Variants in MAPK10 observed in about 807,000 individuals in gnomAD.
The protein encoded by MAPK10 is mitogen-activated protein kinase 10.
Under a neutral mutation model 59.3 loss-of-function variants are expected in MAPK10, and 25 were observed. That is an observed-to-expected ratio of 0.42 (90% CI 0.31 to 0.59). The LOEUF is 0.59. Ranked by LOEUF, MAPK10 falls within the 20% of genes least tolerant of loss-of-function variation. The pLI, the probability that MAPK10 is intolerant of heterozygous loss-of-function variation, is 0.15. For missense variants in MAPK10, 351 were observed against 568.9 expected, an observed-to-expected ratio of 0.62 and a Z score of 3.90; for synonymous variants, 190 against 200.5, an observed-to-expected ratio of 0.95 and a Z score of 0.44.
At chr4:86,208,640 A>G (rs1281562095) in intron 2 of MAPK10, among the ~76,000 whole-genome samples, 2 of 151,966 alleles carry the variant, frequency 1.3e-5, no homozygotes. Flanking sequence ...ATCATACTGA[A>G]TGGGCAAAAA....
At chr4:86,514,586 C>T (rs1456624183) in intron 1 of MAPK10, among the ~76,000 whole-genome samples, 1 of 152,096 alleles carries the variant, frequency 6.6e-6, no homozygotes, top group Non-Finnish European at 1.5e-5. Flanking sequence ...CTCAAGTTTA[C>T]AAGAAGTAAC....
intron 1 of MAPK10, among the ~76,000 whole-genome samples, chr4:86,534,055 C>T (rs560565280): frequency 6.6e-6 from 1 of 152,302 alleles, no homozygotes; most frequent in East Asian, 1.9e-4. Context: ...ATTTATTTCC[C>T]TTACAGCTCT....
At chr4:86,333,832 T>C (rs1282596620) in intron 2 of MAPK10, among the ~76,000 whole-genome samples, 2 of 152,198 alleles carry the variant, frequency 1.3e-5, no homozygotes, top group African/African-American at 4.8e-5. Context: ...ATCTAATATA[T>C]GTAAAAACAC....
chr4:86,262,977 T>G (rs755007860), intron 2 of MAPK10, among the ~76,000 whole-genome samples: 1 of 152,204 alleles, frequency 6.6e-6, no homozygotes, highest in Admixed American at 6.5e-5. Context: ...AGTTATTGGA[T>G]GGACAGTAGG....
chr4:86,492,184 A>G (rs930866668), intron 1 of MAPK10, among the ~76,000 whole-genome samples: 2 of 152,196 alleles, frequency 1.3e-5, no homozygotes, highest in African/African-American at 4.8e-5. Flanking sequence ...CTTCAGATTC[A>G]AGGTGCAATG....
chr4:86,206,092 T>C (rs1259226910), intron 2 of MAPK10, among the ~76,000 whole-genome samples: 2 of 151,950 alleles, frequency 1.3e-5, no homozygotes, highest in South Asian at 2.1e-4. Context: ...ATGTGCACAA[T>C]GTGCAGGTTA....
intron 2 of MAPK10, among the ~76,000 whole-genome samples, chr4:86,354,328 C>T (rs1054320646): frequency 6.6e-6 from 1 of 152,074 alleles, no homozygotes; most frequent in African/African-American, 2.4e-5. Flanking sequence ...CCATGCACCT[C>T]AAGACTTTTC....
intron 11 of MAPK10, among the ~76,000 whole-genome samples, chr4:86,059,732 G>A (rs543453976): frequency 2.6e-5 from 4 of 151,984 alleles, no homozygotes; most frequent in Non-Finnish European, 5.9e-5. Flanking sequence ...TTTTCTCTTA[G>A]TCTAGTGGAG....
At chr4:86,164,239 A>G (rs762863903) in intron 3 of MAPK10, among the ~76,000 whole-genome samples, 3 of 152,146 alleles carry the variant, frequency 2.0e-5, no homozygotes, top group Non-Finnish European at 4.4e-5. Context: ...TCCATAAAGG[A>G]TTTGTCTAGC....
intron 1 of MAPK10, among the ~76,000 whole-genome samples, chr4:86,356,073 G>A (rs1460922489): frequency 1.3e-5 from 2 of 151,038 alleles, no homozygotes; most frequent in African/African-American, 2.4e-5. Flanking sequence ...ACACACACAC[G>A]TGTACAAACA....
At chr4:86,485,207 G>T (rs1753895233) in intron 1 of MAPK10, among the ~76,000 whole-genome samples, 1 of 152,094 alleles carries the variant, frequency 6.6e-6, no homozygotes, top group South Asian at 2.1e-4. Flanking sequence ...CCAGCATGAA[G>T]ATCATCTTAC....
intron 1 of MAPK10, among the ~76,000 whole-genome samples, chr4:86,584,427 G>A (rs1249776869): frequency 2.0e-5 from 3 of 152,066 alleles, no homozygotes; most frequent in Admixed American, 2.0e-4. Context: ...GGAAATATTG[G>A]GAGTGGTAAG....
At chr4:86,286,778 GC>G (rs2148812555) in intron 2 of MAPK10, among the ~76,000 whole-genome samples, 1 of 152,268 alleles carries the variant, frequency 6.6e-6, no homozygotes, top group African/African-American at 2.4e-5. Context: ...CATCTCTGGA[GC>G]TTGAACACAT....
At chr4:86,087,359 C>T (rs1044812813) in intron 9 of MAPK10, among the ~76,000 whole-genome samples, 6 of 152,042 alleles carry the variant, frequency 3.9e-5, no homozygotes, top group African/African-American at 1.4e-4. Context: ...CTAAAATCAG[C>T]CAAAACTTAA....
intron 4 of MAPK10, among the ~76,000 whole-genome samples, chr4:86,155,463 G>A (rs74670438): frequency 0.072 from 10,832 of 151,484 alleles, 951 homozygotes; most frequent in African/African-American, 0.21. Flanking sequence ...TATAATAATC[G>A]TATATTGGTA....
chr4:86,159,133 A>C, intron 4 of MAPK10, 165 bp downstream of exon 4: 1 of 483,452 alleles, frequency 2.1e-6, no homozygotes, highest in Non-Finnish European at 3.4e-6. Flanking sequence ...TGGATAACAA[A>C]TTAAACATAA....
chr4:86,294,504 C>T (rs1261205941), intron 2 of MAPK10, among the ~76,000 whole-genome samples: 1 of 151,380 alleles, frequency 6.6e-6, no homozygotes, highest in Non-Finnish European at 1.5e-5. Flanking sequence ...GATTAACAGC[C>T]CAGAGAATTG....
chr4:86,385,067 G>A (rs768109243), intron 1 of MAPK10, among the ~76,000 whole-genome samples: 7 of 151,962 alleles, frequency 4.6e-5, no homozygotes, highest in Admixed American at 1.3e-4. Flanking sequence ...TAGGTTTATT[G>A]AGGATGTTAA....
chr4:86,279,641 T>G (rs893299648), intron 2 of MAPK10, among the ~76,000 whole-genome samples: 4 of 152,134 alleles, frequency 2.6e-5, no homozygotes, highest in Admixed American at 2.0e-4. Context: ...GGACAGCTGT[T>G]TCTCTCCCTT....
Sources: gnomAD v4.1 joint callset for allele counts (sites outside exome capture counted in the v4.1 genomes callset) on GRCh38, gnomAD v4.1.1 for gene constraint, MANE v1.5 for transcripts, NCBI Gene and HGNC (gene_info 2026-07-23, HGNC 2026-07-21) for gene names.